Variants in GABRR2 observed in about 807,000 individuals in gnomAD.
GABRR2 encodes the protein gamma-aminobutyric acid type A receptor subunit rho2.
Under a neutral mutation model 47.0 loss-of-function variants are expected in GABRR2, and 36 were observed. The observed-to-expected ratio is 0.77, with a 90% CI of 0.59 to 1.01. The LOEUF is 1.01. Among genes scored for constraint, GABRR2 ranks in the 50% least tolerant of loss-of-function variants. The pLI, the probability that GABRR2 is intolerant of heterozygous loss-of-function variation, is 0.00. For missense variants in GABRR2, 587 were observed against 594.6 expected, an observed-to-expected ratio of 0.99 and a Z score of 0.13; for synonymous variants, 204 against 227.5, an observed-to-expected ratio of 0.90 and a Z score of 0.93.
At chr6:89,264,227 G>C (rs2127827685) in intron 8 of GABRR2, among the ~76,000 whole-genome samples, 185 bp downstream of exon 8, 1 of 152,264 alleles carries the variant, frequency 6.6e-6, no homozygotes, top group East Asian at 1.9e-4. Flanking sequence ...TTTGTCTAAA[G>C]ACCTTCTGCT....
At chr6:89,271,164 G>C (rs1157835913) in intron 3 of GABRR2, among the ~76,000 whole-genome samples, 2 of 152,158 alleles carry the variant, frequency 1.3e-5, no homozygotes, top group Non-Finnish European at 2.9e-5. Flanking sequence ...GCCCTGGGGT[G>C]GGGGGCACAC....
Position 89,269,030 on chromosome 6 carries a change from G to A in GABRR2, c.493C>T (p.His165Tyr), listed in dbSNP as rs1158692041. Reference protein sequence around the residue: ...NIMLRVFPDGHVLYSMRITVT... With the variant: ...NIMLRVFPDGYVLYSMRITVT... ...AGCTACCTCATGCTGTACAGCACGTGTCCATCTGGGAACACCCTCAGCATG... is the reference window on the plus strand; with the variant it reads ...AGCTACCTCATGCTGTACAGCACGTATCCATCTGGGAACACCCTCAGCATG... The change falls in exon 4 of 9, where the codon CAC (histidine) becomes TAC (tyrosine). Residue 165 changes from histidine to tyrosine, a missense_variant. By Grantham distance (83) the His-to-Tyr change is moderately conservative. Transcript: ENST00000402938. 1.2e-6 allele frequency: 2 copies of A among 1,613,860 alleles called. No individual in the cohort carries two copies. The highest frequency in any genetic ancestry group is 2.7e-5 in the African/African-American group (2 of 75,052).
chr6:89,301,748 T>C, intron 1 of GABRR2: 1 of 681,568 alleles, frequency 1.5e-6, no homozygotes, highest in Non-Finnish European at 2.7e-6. Context: ...CCAGCCCGCC[T>C]GCCCGTCCGC....
chr6:89,275,343 G>C (rs1289972157), intron 2 of GABRR2, among the ~76,000 whole-genome samples: 2 of 151,938 alleles, frequency 1.3e-5, no homozygotes, highest in South Asian at 4.2e-4. Context: ...GCATGATCTC[G>C]GCTCACTGCA....
chr6:89,277,754 A>G (rs774693355), intron 2 of GABRR2, among the ~76,000 whole-genome samples: 26 of 151,490 alleles, frequency 1.7e-4, no homozygotes, highest in Admixed American at 9.9e-4. Flanking sequence ...CCACAATAAG[A>G]TATTCTTACT....
intron 2 of GABRR2, among the ~76,000 whole-genome samples, chr6:89,294,174 C>T (rs979728485): frequency 3.9e-5 from 6 of 152,052 alleles, no homozygotes; most frequent in Non-Finnish European, 8.8e-5. Context: ...GAGCCAGAGT[C>T]TCACTCGTCG....
intron 1 of GABRR2, among the ~76,000 whole-genome samples, chr6:89,308,662 C>T (rs1310677149): frequency 6.6e-6 from 1 of 152,126 alleles, no homozygotes; most frequent in Non-Finnish European, 1.5e-5. Context: ...CAGTCATTTC[C>T]CCACCCGCTT....
intron 2 of GABRR2, among the ~76,000 whole-genome samples, chr6:89,278,425 A>T (rs1774203251): frequency 6.6e-6 from 1 of 152,234 alleles, no homozygotes; most frequent in Non-Finnish European, 1.5e-5. Flanking sequence ...AATGTGTGTT[A>T]TAGCTCAAAG....
intron 6 of GABRR2, 50 bp from the exon 7 acceptor site, chr6:89,265,815 C>A (rs1773882171): frequency 6.3e-7 from 1 of 1,582,492 alleles, no homozygotes; most frequent in Non-Finnish European, 8.6e-7. Context: ...GAGGTGAAAG[C>A]AAACTGTGTC....
intron 3 of GABRR2, among the ~76,000 whole-genome samples, chr6:89,270,925 T>C (rs746414691): frequency 5.3e-5 from 8 of 152,188 alleles, no homozygotes; most frequent in African/African-American, 1.9e-4. Flanking sequence ...TCTAGCACAA[T>C]TATAAATGAT....
intron 2 of GABRR2, among the ~76,000 whole-genome samples, chr6:89,272,195 CATATAGCTGGG>C (rs1212040305): frequency 6.6e-6 from 1 of 152,198 alleles, no homozygotes; most frequent in Non-Finnish European, 1.5e-5. Context: ...GAGACCCTGA[CATATAGCTGGG>C]GTCCAGCCCT....
intron 2 of GABRR2, among the ~76,000 whole-genome samples, chr6:89,297,381 G>A (rs568366390): frequency 2.0e-5 from 3 of 152,298 alleles, no homozygotes; most frequent in East Asian, 1.9e-4. Flanking sequence ...CCAGCTAGGA[G>A]GGGGGTCCAA....
At position 89,315,268 on chromosome 6, in the gene GABRR2, T is replaced by C; in HGVS notation, c.-103A>G. 6.3e-7 allele frequency: 1 copy of C among 1,587,892 alleles called. No homozygotes were observed. Among genetic ancestry groups the C allele is most frequent in the South Asian group, 1.1e-5 (1 of 87,596 alleles). ...ATCCATCTGCTGCCTCCTGACGGGC[T>C]GCTCTGAGGGGCTGTGAGGGCAAGG... On this transcript the variant is annotated 5_prime_UTR_variant, in exon 1 of 9. Transcript: ENST00000402938.
At chr6:89,300,937 C>A (rs989027389) in intron 1 of GABRR2, among the ~76,000 whole-genome samples, 1 of 151,996 alleles carries the variant, frequency 6.6e-6, no homozygotes, top group Non-Finnish European at 1.5e-5. Context: ...CACACACACA[C>A]AAAAGAAAGC....
chr6:89,288,525 T>A (rs1774372694), intron 2 of GABRR2, among the ~76,000 whole-genome samples: 1 of 152,212 alleles, frequency 6.6e-6, no homozygotes, highest in South Asian at 2.1e-4. Context: ...CAGTGAGAAC[T>A]GCACAGCTGA....
intron 1 of GABRR2, among the ~76,000 whole-genome samples, chr6:89,300,118 C>T (rs116783601): frequency 6.6e-6 from 1 of 152,174 alleles, no homozygotes; most frequent in Non-Finnish European, 1.5e-5. Context: ...CAACATTCTA[C>T]CTTGGTAAAG....
chr6:89,277,384 T>G (rs568050413), intron 2 of GABRR2, among the ~76,000 whole-genome samples: 1 of 152,290 alleles, frequency 6.6e-6, no homozygotes, highest in East Asian at 1.9e-4. Flanking sequence ...TCTCAGGCAG[T>G]TATTTATAGC....
chr6:89,283,244 C>G (rs1174175936), intron 2 of GABRR2, among the ~76,000 whole-genome samples: 3 of 150,928 alleles, frequency 2.0e-5, no homozygotes, highest in Non-Finnish European at 4.4e-5. Flanking sequence ...TTCTTGTCAT[C>G]AATAGGTGTT....
Position 89,265,756 on chromosome 6 carries a change from T to C in GABRR2, c.746A>G (p.Asn249Ser), listed in dbSNP as rs1430948396. The C allele has an allele frequency of 1.2e-6, 2 of 1,613,986 alleles. No individual in the cohort carries two copies. Among genetic ancestry groups the C allele is most frequent in the South Asian group, 1.1e-5 (1 of 91,044 alleles). The change falls in exon 7 of 9, where the codon AAC becomes AGC. Residue 249 changes from asparagine to serine, a missense_variant. Physicochemically the swap from Asn to Ser is conservative, Grantham distance 46. Coordinates refer to ENST00000402938, the MANE Select transcript of GABRR2 (RefSeq NM_002043.5). The part of the protein sequence containing the change: ...LAFYSSTGWY[N>S]RLYINFTLRR... ...CAACGTGAAGTTAATGTACAGACGGTTGTACCAGCCTAGGGGATGCAGGAA... is the reference window on the plus strand; with the variant it reads ...CAACGTGAAGTTAATGTACAGACGGCTGTACCAGCCTAGGGGATGCAGGAA...
Sources: gnomAD v4.1 joint callset for allele counts (sites outside exome capture counted in the v4.1 genomes callset) on GRCh38, gnomAD v4.1.1 for gene constraint, MANE v1.5 for transcripts, NCBI Gene and HGNC (gene_info 2026-07-23, HGNC 2026-07-21) for gene names.